Variants in NKAIN2 observed in about 807,000 individuals in gnomAD.
The protein encoded by NKAIN2 is sodium/potassium transporting ATPase interacting 2, also known as sodium/potassium-transporting ATPase subunit beta-1-interacting protein 2.
In NKAIN2, 14 loss-of-function variants were observed where a neutral mutation model predicts 32.6. That is an observed-to-expected ratio of 0.43 (90% CI 0.28 to 0.67). NKAIN2 has a LOEUF of 0.67. Among genes scored for constraint, NKAIN2 ranks in the 30% least tolerant of loss-of-function variants. The probability of loss-of-function intolerance (pLI) is 0.17; values close to 1 mark genes in which losing one functional copy is unlikely to be tolerated. For missense variants in NKAIN2, 198 were observed against 258.3 expected (o/e 0.77, Z 1.60); for synonymous variants, 80 against 87.2 (o/e 0.92, Z 0.46).
At chr6:124,695,691 C>T (rs549488608) in intron 4 of NKAIN2, among the ~76,000 whole-genome samples, 53 of 152,234 alleles carry the variant, frequency 3.5e-4, no homozygotes, top group Non-Finnish European at 6.3e-4. Flanking sequence ...ATTTCATTTT[C>T]CTATTACCTT....
chr6:124,569,546 C>T (rs939810725), intron 3 of NKAIN2, among the ~76,000 whole-genome samples: 1 of 152,108 alleles, frequency 6.6e-6, no homozygotes, highest in African/African-American at 2.4e-5. Context: ...TGGTCTTTCC[C>T]ATGCTATTCC....
chr6:124,523,665 T>C (rs991892207), intron 3 of NKAIN2, among the ~76,000 whole-genome samples: 3 of 152,122 alleles, frequency 2.0e-5, no homozygotes, highest in Non-Finnish European at 2.9e-5. Flanking sequence ...AAGGGATATA[T>C]GTAGAGAGGG....
chr6:124,563,231 C>T (rs914954625), intron 3 of NKAIN2, among the ~76,000 whole-genome samples: 3 of 152,096 alleles, frequency 2.0e-5, no homozygotes, highest in African/African-American at 4.8e-5. Flanking sequence ...GAGTTACTGG[C>T]TTACACTTTG....
At chr6:124,057,905 A>T (rs1230393719) in intron 1 of NKAIN2, among the ~76,000 whole-genome samples, 2 of 152,050 alleles carry the variant, frequency 1.3e-5, no homozygotes, top group Non-Finnish European at 2.9e-5. Context: ...TGACTTACCC[A>T]GTTCTTGCTT....
At chr6:124,023,914 G>A (rs1022801261) in intron 1 of NKAIN2, among the ~76,000 whole-genome samples, 4 of 151,988 alleles carry the variant, frequency 2.6e-5, no homozygotes, top group African/African-American at 9.7e-5. Flanking sequence ...GTACTATATG[G>A]GATAAGGAAA....
chr6:123,904,580 C>T (rs139644595), intron 1 of NKAIN2, among the ~76,000 whole-genome samples: 416 of 152,322 alleles, frequency 2.7e-3, no homozygotes, highest in Non-Finnish European at 4.7e-3. Flanking sequence ...TAAATTGCAG[C>T]ACTGGATGTT....
At chr6:124,598,199 T>C (rs1463976038) in intron 3 of NKAIN2, among the ~76,000 whole-genome samples, 3 of 152,212 alleles carry the variant, frequency 2.0e-5, no homozygotes, top group Non-Finnish European at 2.9e-5. Context: ...TTGTGAATCT[T>C]GCTGATTAGA....
chr6:124,251,034 A>G (rs544579956), intron 1 of NKAIN2, among the ~76,000 whole-genome samples: 1 of 152,148 alleles, frequency 6.6e-6, no homozygotes, highest in South Asian at 2.1e-4. Flanking sequence ...CTAAACAAAT[A>G]AAAATGAAGA....
chr6:123,904,993 C>T (rs1349787311), intron 1 of NKAIN2, among the ~76,000 whole-genome samples: 3 of 152,096 alleles, frequency 2.0e-5, no homozygotes, highest in African/African-American at 7.2e-5. Context: ...TGAATAATTA[C>T]ACACTGAAGA....
At chr6:124,217,112 A>T (rs1791518271) in intron 1 of NKAIN2, among the ~76,000 whole-genome samples, 1 of 152,200 alleles carries the variant, frequency 6.6e-6, no homozygotes, top group South Asian at 2.1e-4. Flanking sequence ...ATAATAGGCA[A>T]AGCTAAAATT....
At chr6:123,888,333 T>C (rs1298389339) in intron 1 of NKAIN2, among the ~76,000 whole-genome samples, 1 of 152,128 alleles carries the variant, frequency 6.6e-6, no homozygotes, top group Non-Finnish European at 1.5e-5. Flanking sequence ...AACACACCCT[T>C]CACTTTCCTA....
intron 3 of NKAIN2, among the ~76,000 whole-genome samples, chr6:124,449,581 G>C (rs555246443): frequency 1.3e-5 from 2 of 152,140 alleles, no homozygotes; most frequent in East Asian, 3.9e-4. Flanking sequence ...TCTGAGGCTA[G>C]GACAATAACA....
At chr6:124,059,051 T>G (rs1454405787) in intron 1 of NKAIN2, among the ~76,000 whole-genome samples, 1 of 151,948 alleles carries the variant, frequency 6.6e-6, no homozygotes, top group African/African-American at 2.4e-5. Context: ...ACCCTCCATA[T>G]ATTATGCACA....
chr6:123,993,502 C>A (rs982282801), intron 1 of NKAIN2, among the ~76,000 whole-genome samples: 1 of 152,146 alleles, frequency 6.6e-6, no homozygotes, highest in Non-Finnish European at 1.5e-5. Flanking sequence ...GCCATAAAAT[C>A]TATATTTAAT....
chr6:123,909,930 A>G (rs1366601599), intron 1 of NKAIN2, among the ~76,000 whole-genome samples: 1 of 152,158 alleles, frequency 6.6e-6, no homozygotes, highest in Non-Finnish European at 1.5e-5. Flanking sequence ...CTACAATGAA[A>G]TGGGTGATTA....
At chr6:124,150,591 T>A (rs527977837) in intron 1 of NKAIN2, among the ~76,000 whole-genome samples, 90 of 152,294 alleles carry the variant, frequency 5.9e-4, no homozygotes, top group Non-Finnish European at 1.1e-3. Context: ...AGTTCCCTAA[T>A]GATTAATATT....
chr6:124,533,222 C>G (rs907730843), intron 3 of NKAIN2, among the ~76,000 whole-genome samples: 9 of 152,122 alleles, frequency 5.9e-5, no homozygotes, highest in African/African-American at 2.2e-4. Context: ...ATTCTCACAT[C>G]ACCCCAGAAA....
chr6:124,317,453 A>G (rs1797004687), intron 2 of NKAIN2, among the ~76,000 whole-genome samples: 1 of 152,018 alleles, frequency 6.6e-6, no homozygotes, highest in South Asian at 2.1e-4. Context: ...TTTCTAAATA[A>G]CTTCCTTAGA....
At chr6:124,289,415 T>TAAAGA (rs58220960) in intron 2 of NKAIN2, among the ~76,000 whole-genome samples, 4,447 of 151,798 alleles carry the variant, frequency 0.029, 219 homozygotes, top group African/African-American at 0.1. Context: ...GCCAACATGG[T>TAAAGA]AAAGGATCCC....
Sources: allele counts gnomAD v4.1 joint callset (sites outside exome capture counted in the v4.1 genomes callset), GRCh38; gene constraint gnomAD v4.1.1; transcripts MANE v1.5; gene names NCBI Gene and HGNC (gene_info 2026-07-23, HGNC 2026-07-21).